NCOA6: variants seen among roughly 807,000 people sequenced by gnomAD.
NCOA6 encodes NRC RAP250.
NCOA6 carries 49 observed loss-of-function variants against 171.4 expected under a neutral mutation model. The observed-to-expected ratio is 0.29, with a 90% CI of 0.23 to 0.36. The LOEUF (loss-of-function observed/expected upper bound fraction) is 0.36. NCOA6 is among the 10% of genes least tolerant of loss of function. The probability of loss-of-function intolerance (pLI) is 1.00; values close to 1 mark genes in which losing one functional copy is unlikely to be tolerated. For missense variants in NCOA6, 2,248 were observed against 2,554.5 expected (o/e 0.88, Z 2.59); for synonymous variants, 910 against 927.5 (o/e 0.98, Z 0.34).
At chr20:34,821,739 C>T (rs2079016141) in intron 1 of NCOA6, 1 of 152,172 alleles carries the variant, frequency 6.6e-6, no homozygotes, top group Admixed American at 6.6e-5. Context: ...AGGCGCCCGC[C>T]ACCACGCCCG....
At chr20:34,780,775 T>C (rs1269515649) in intron 3 of NCOA6, among the ~76,000 whole-genome samples, 2 of 152,068 alleles carry the variant, frequency 1.3e-5, no homozygotes, top group African/African-American at 4.8e-5. Context: ...CACCTCAGCC[T>C]CTCGAGTAGC....
chr20:34,733,850 CAAAAAAAAAAAAA>C (rs60649247), intron 12 of NCOA6, among the ~76,000 whole-genome samples: 6 of 44,382 alleles, frequency 1.4e-4, no homozygotes, highest in Admixed American at 4.0e-4. Context: ...GACTCTGTCC[CAAAAAAAAAAAAA>C]AAAAAAAAAA....
chr20:34,742,881 T>C lies in NCOA6; in HGVS notation c.3375A>G (p.Pro1125=). 6.2e-7 allele frequency: 1 copy of C among 1,614,244 alleles called. No homozygotes were observed. The highest frequency in any genetic ancestry group is 8.5e-7 in the Non-Finnish European group (1 of 1,180,040). The part of the protein sequence containing the change: ...QESPQNPSSS[P]LAEMASLPEA... ...CAGGGAGTGAGGCCATCTCCGCCAG[T>C]GGCGAGCTGGAAGGATTCTGCGGGC... The change falls in exon 11 of 15, where the codon CCA becomes CCG. Residue 1125 remains proline (P), a synonymous_variant. Transcript: ENST00000359003.
At chr20:34,798,836 C>T (rs1371963184) in intron 1 of NCOA6, among the ~76,000 whole-genome samples, 4 of 152,172 alleles carry the variant, frequency 2.6e-5, no homozygotes, top group South Asian at 4.1e-4. Context: ...ACTCAAGTCC[C>T]TTTGAATACT....
intron 13 of NCOA6, among the ~76,000 whole-genome samples, chr20:34,728,509 G>A (rs1990240851): frequency 6.6e-6 from 1 of 152,036 alleles, no homozygotes. Flanking sequence ...GAATCTTTTG[G>A]GTACAGGCCA....
intron 5 of NCOA6, among the ~76,000 whole-genome samples, chr20:34,763,172 T>G (rs1311783175): frequency 6.6e-6 from 1 of 152,192 alleles, no homozygotes; most frequent in African/African-American, 2.4e-5. Flanking sequence ...TGGAAAAAAT[T>G]TTAGCCATTC....
At chr20:34,812,639 A>T (rs144928970) in intron 1 of NCOA6, among the ~76,000 whole-genome samples, 10 of 149,638 alleles carry the variant, frequency 6.7e-5, no homozygotes, top group East Asian at 3.9e-4. Flanking sequence ...GTTGTTACAT[A>T]AAAAAAACAA....
chr20:34,803,368 T>C (rs1218261328), intron 1 of NCOA6, among the ~76,000 whole-genome samples: 2 of 150,908 alleles, frequency 1.3e-5, no homozygotes, highest in Non-Finnish European at 2.9e-5. Flanking sequence ...CTCGGGAGAC[T>C]GAGGCAGGAG....
intron 8 of NCOA6, among the ~76,000 whole-genome samples, chr20:34,751,047 A>G: frequency 6.6e-6 from 1 of 151,408 alleles, no homozygotes; most frequent in East Asian, 1.9e-4. Flanking sequence ...AAAAAGCACT[A>G]TGGGCTACTG....
chr20:34,795,606 A>T (rs1309550527), intron 1 of NCOA6, among the ~76,000 whole-genome samples: 1 of 152,222 alleles, frequency 6.6e-6, no homozygotes, highest in East Asian at 1.9e-4. Context: ...CTTGGGGGAA[A>T]AAATAGGGGA....
intron 1 of NCOA6, among the ~76,000 whole-genome samples, chr20:34,811,203 A>ATG (rs1457734864): frequency 0.059 from 4,293 of 72,336 alleles, 194 homozygotes; most frequent in South Asian, 0.088. Context: ...AACAACGTGT[A>ATG]TATATATATA....
At chr20:34,762,457 TTA>T (rs2076846755) in intron 5 of NCOA6, among the ~76,000 whole-genome samples, 1 of 152,164 alleles carries the variant, frequency 6.6e-6, no homozygotes, top group Non-Finnish European at 1.5e-5. Context: ...TTTTGTCATT[TTA>T]TGATTTCTAT....
At position 34,741,876 on chromosome 20, in the gene NCOA6, C is replaced by A; in HGVS notation, c.4380G>T (p.Lys1460Asn). 6.2e-7 allele frequency: 1 copy of A among 1,614,192 alleles called. No individual in the cohort carries two copies. The highest frequency in any genetic ancestry group is 8.5e-7 in the Non-Finnish European group (1 of 1,180,028). The change falls in exon 11 of 15, where the codon AAG becomes AAT. Residue 1460 changes from lysine to asparagine, a missense_variant. Transcript: ENST00000359003. ...TGTTAGGATCCGAAGGCTGCCCATC[C>A]TTTTTGGACTGATCTTCAGGGACAA... ...KMVVPEDQSKKDGQPSDPNKL... is the reference protein window; with the variant it reads ...KMVVPEDQSKNDGQPSDPNKL...
intron 5 of NCOA6, among the ~76,000 whole-genome samples, chr20:34,763,669 C>T (rs1568804430): frequency 6.6e-6 from 1 of 152,192 alleles, no homozygotes; most frequent in Admixed American, 6.5e-5. Flanking sequence ...ATGTTAATGA[C>T]TTAGCCTGGC....
Position 34,746,931 on chromosome 20 carries a change from A to T in NCOA6, c.2793-3T>A, listed in dbSNP as rs764225628. The T allele has an allele frequency of 3.0e-4, 29 of 95,434 alleles. No individual in the cohort carries two copies. Among genetic ancestry groups the T allele is most frequent in the South Asian group, 6.1e-4 (4 of 6,608 alleles). The allele number at this position is 95,434 out of a possible 1,614,324, so 5.9% of individuals were successfully genotyped here. On this transcript the variant is annotated splice_region_variant and splice_polypyrimidine_tract_variant and intron_variant, in intron 9 of 14. Transcript: ENST00000359003. ...CAGCTGGGCGAGTATCTGGGGTGCT[A>T]AAAAAAAAAAAAAAAAAAAAAGTGA... is the stretch of plus-strand genomic sequence containing the variant.
Position 34,740,945 on chromosome 20 carries a change from C to G in NCOA6, c.5311G>C (p.Ala1771Pro). 6.2e-7 allele frequency: 1 copy of G among 1,614,168 alleles called. No individual in the cohort carries two copies. The highest frequency in any genetic ancestry group is 8.5e-7 in the Non-Finnish European group (1 of 1,180,044). Residue 1771 changes from alanine (A) to proline (P), a missense_variant, in exon 11 of 15, where the codon GCT (alanine) becomes CCT (proline). Transcript: ENST00000359003. ...QQVKELNPDE[A>P]SPQVNTSADQ... ...GCTGAGGTGTTCACCTGAGGGCTAG[C>G]CTCATCTGGATTCAATTCTTTCACT...
intron 1 of NCOA6, among the ~76,000 whole-genome samples, chr20:34,804,687 C>T (rs923753413): frequency 3.3e-5 from 5 of 151,776 alleles, no homozygotes; most frequent in African/African-American, 9.7e-5. Flanking sequence ...GTTACTTCCG[C>T]TTTCTTTTTC....
intron 1 of NCOA6, among the ~76,000 whole-genome samples, chr20:34,811,401 A>C (rs1340664135): frequency 6.6e-6 from 1 of 151,744 alleles, no homozygotes; most frequent in Non-Finnish European, 1.5e-5. Flanking sequence ...TAGGTGCAAC[A>C]ACCTCTCCCT....
At chr20:34,762,900 G>A (rs954292739) in intron 5 of NCOA6, among the ~76,000 whole-genome samples, 4 of 152,146 alleles carry the variant, frequency 2.6e-5, no homozygotes, top group African/African-American at 9.6e-5. Context: ...TAAAATTCTA[G>A]GCTGTCAATT....
Sources: gnomAD v4.1 joint callset for allele counts (sites outside exome capture counted in the v4.1 genomes callset) on GRCh38, gnomAD v4.1.1 for gene constraint, MANE v1.5 for transcripts, NCBI Gene and HGNC (gene_info 2026-07-23, HGNC 2026-07-21) for gene names.